PRKN: variants seen among roughly 807,000 people sequenced by gnomAD.
PRKN encodes the protein E3 ubiquitin-protein ligase parkin.
A neutral mutation model predicts 59.5 loss-of-function variants in PRKN; 56 were observed. The ratio of observed to expected loss-of-function variants is 0.94; its 90% CI spans 0.76 to 1.18. PRKN has a LOEUF of 1.18. PRKN is among the 50% of genes most tolerant of loss of function. The pLI is 0.00. For synonymous variants in PRKN, 250 were observed against 222.1 expected, an observed-to-expected ratio of 1.13 and a Z score of -1.12; for missense variants, 657 against 596.4, an observed-to-expected ratio of 1.10 and a Z score of -1.06.
intron 1 of PRKN, among the ~76,000 whole-genome samples, chr6:162,602,594 A>T (rs1355484596): frequency 6.6e-6 from 1 of 152,210 alleles, no homozygotes; most frequent in Non-Finnish European, 1.5e-5. Context: ...AAAAAGACAC[A>T]AAGACACATT....
chr6:162,037,789 C>T (rs1783905928), intron 5 of PRKN, among the ~76,000 whole-genome samples: 1 of 152,028 alleles, frequency 6.6e-6, no homozygotes, highest in African/African-American at 2.4e-5. Flanking sequence ...TCGTGATCCA[C>T]CCGCCTCAGC....
chr6:161,995,742 G>GAC (rs1350855523), intron 5 of PRKN, among the ~76,000 whole-genome samples: 3 of 152,180 alleles, frequency 2.0e-5, no homozygotes, highest in African/African-American at 7.2e-5. Context: ...TTATCAAAAA[G>GAC]ACACAAAATA....
intron 6 of PRKN, among the ~76,000 whole-genome samples, chr6:161,928,923 A>T (rs1267994100): frequency 1.3e-5 from 2 of 152,186 alleles, no homozygotes; most frequent in African/African-American, 4.8e-5. Context: ...CACCTCAAAA[A>T]GTTAAACACA....
At chr6:161,486,901 C>A (rs1021940208) in intron 9 of PRKN, among the ~76,000 whole-genome samples, 2 of 152,148 alleles carry the variant, frequency 1.3e-5, no homozygotes, top group Non-Finnish European at 2.9e-5. Flanking sequence ...TTGCTTTGTG[C>A]TAGCAGGACC....
At chr6:161,833,777 T>C (rs1223361261) in intron 6 of PRKN, among the ~76,000 whole-genome samples, 1 of 151,944 alleles carries the variant, frequency 6.6e-6, no homozygotes, top group African/African-American at 2.4e-5. Flanking sequence ...GACACAGAGG[T>C]GGAGAAAGGG....
intron 7 of PRKN, among the ~76,000 whole-genome samples, chr6:161,744,190 CT>C (rs377146177): frequency 4.1e-5 from 6 of 144,930 alleles, no homozygotes; most frequent in East Asian, 2.0e-4. Flanking sequence ...GTTTTTTTTT[CT>C]TTTTTTTTTC....
intron 2 of PRKN, among the ~76,000 whole-genome samples, chr6:162,346,356 C>T (rs1019189615): frequency 6.6e-6 from 1 of 151,236 alleles, no homozygotes; most frequent in East Asian, 1.9e-4. Flanking sequence ...TGGCTCACAC[C>T]TGTAATCTCA....
chr6:161,505,853 T>A (rs1270502334), intron 9 of PRKN, among the ~76,000 whole-genome samples: 1 of 146,102 alleles, frequency 6.8e-6, no homozygotes, highest in Non-Finnish European at 1.5e-5. Context: ...TGGCATTATT[T>A]CTGAGGGCTC....
chr6:162,301,883 G>A (rs1448605229), intron 2 of PRKN, among the ~76,000 whole-genome samples: 2 of 151,150 alleles, frequency 1.3e-5, no homozygotes, highest in Non-Finnish European at 1.5e-5. Flanking sequence ...GTCTCTTCAG[G>A]TCTCAGGTCT....
chr6:162,415,503 T>C (rs1788583864), intron 2 of PRKN, among the ~76,000 whole-genome samples: 1 of 152,080 alleles, frequency 6.6e-6, no homozygotes, highest in South Asian at 2.1e-4. Context: ...CAACACTTAG[T>C]GATATGTGAT....
chr6:162,161,591 C>A (rs1782761883), intron 4 of PRKN, among the ~76,000 whole-genome samples: 2 of 152,122 alleles, frequency 1.3e-5, no homozygotes, highest in African/African-American at 4.8e-5. Context: ...GCGTATCCAC[C>A]CTGTTTCTGC....
intron 6 of PRKN, among the ~76,000 whole-genome samples, chr6:161,946,765 G>A (rs570324745): frequency 1.6e-3 from 238 of 152,192 alleles, no homozygotes; most frequent in Non-Finnish European, 3.0e-3. Context: ...CCAACATTTG[G>A]AGAAGGAAAA....
At position 162,162,006 on chromosome 6, in the gene PRKN, A is replaced by G. The variant is rs538891684; in HGVS notation, c.534+39125T>C. Among the ~76,000 whole-genome samples the G allele has an allele frequency of 2.6e-5, 4 of 152,336 alleles. No individual in the cohort carries two copies. In the South Asian group the frequency reaches 8.3e-4, roughly 32 times the overall value. ...ATCCACAGATTCAACCAAAAGAAAC[A>G]AAATGATAAAAAAGTAATAAAACAA... On this transcript the variant is annotated intron_variant, in intron 4 of 11. Coordinates refer to ENST00000366898, the MANE Select transcript of PRKN (RefSeq NM_004562.3).
At chr6:162,160,465 G>A (rs1158639365) in intron 4 of PRKN, among the ~76,000 whole-genome samples, 1 of 152,082 alleles carries the variant, frequency 6.6e-6, no homozygotes, top group Admixed American at 6.5e-5. Flanking sequence ...TTCTGGACAT[G>A]TTCATTATGA....
rs1471526482 is a variant in PRKN at position 161,373,614 on chromosome 6, T to C, written c.1167+13180A>G. 6.7e-6 allele frequency among the ~76,000 whole-genome samples: 1 copy of C among 149,348 alleles called. No individual in the cohort carries two copies. Among genetic ancestry groups the C allele is most frequent in the Non-Finnish European group, 1.5e-5 (1 of 66,624 alleles). ...TGCTTTGCAGGGGTGATGAGTTAAA[T>C]GGCCATGCCTCTGTGCTTGCAGGGG... On this transcript the variant is annotated intron_variant, in intron 10 of 11. Coordinates refer to ENST00000366898, the MANE Select transcript of PRKN (RefSeq NM_004562.3). This position sits in a 1 kb window ranked among gnomAD's most constrained non-coding sequence, Gnocchi z 4.8.
At chr6:162,631,306 G>C (rs1315942823) in intron 1 of PRKN, among the ~76,000 whole-genome samples, 1 of 152,240 alleles carries the variant, frequency 6.6e-6, no homozygotes, top group African/African-American at 2.4e-5. Flanking sequence ...AATTGCAACT[G>C]TCAATAAACA....
intron 6 of PRKN, among the ~76,000 whole-genome samples, chr6:161,886,302 A>T (rs2128230853): frequency 6.6e-6 from 1 of 152,334 alleles, no homozygotes; most frequent in African/African-American, 2.4e-5. Context: ...GTTTTTCATT[A>T]ATAATTTCTT....
rs900181243 is a variant in PRKN at position 161,487,059 on chromosome 6, C to T, written c.1083+61795G>A. ...AAGTGAGTTTAGTGAATAGGTGCCACGGAGTGAGACGGGGAAAGATGGGTG... is the reference window on the plus strand; with the variant it reads ...AAGTGAGTTTAGTGAATAGGTGCCATGGAGTGAGACGGGGAAAGATGGGTG... On this transcript the variant is annotated intron_variant, in intron 9 of 11. Transcript: ENST00000366898. This position sits in a 1 kb window ranked among gnomAD's most constrained non-coding sequence, Gnocchi z 5.3. 6.6e-6 allele frequency among the ~76,000 whole-genome samples: 1 copy of T among 152,006 alleles called. No individual in the cohort carries two copies. Among genetic ancestry groups the T allele is most frequent in the Non-Finnish European group, 1.5e-5 (1 of 67,996 alleles).
chr6:162,371,725 T>A (rs1562709245), intron 2 of PRKN, among the ~76,000 whole-genome samples: 1 of 152,158 alleles, frequency 6.6e-6, no homozygotes, highest in East Asian at 1.9e-4. Flanking sequence ...ATCCTAACCT[T>A]TATTTTTGCT....
Sources: allele counts gnomAD v4.1 joint callset (sites outside exome capture counted in the v4.1 genomes callset), GRCh38; gene constraint gnomAD v4.1.1; non-coding constraint Gnocchi (gnomAD v3.1); transcripts MANE v1.5; gene names NCBI Gene and HGNC (gene_info 2026-07-23, HGNC 2026-07-21).